Variants in CARD19 observed in about 807,000 individuals in gnomAD.
The protein encoded by CARD19 is caspase recruitment domain-containing protein 19.
A neutral mutation model predicts 24.1 loss-of-function variants in CARD19; 25 were observed. The ratio of observed to expected loss-of-function variants is 1.04; its 90% CI spans 0.76 to 1.45. The LOEUF is 1.45. CARD19 is among the 40% of genes most tolerant of loss of function. The pLI is 0.00. For missense variants in CARD19, 241 were observed against 247.4 expected (o/e 0.97, Z 0.17); for synonymous variants, 103 against 104.9 (o/e 0.98, Z 0.11).
At chr9:93,098,580 C>A (rs1459809213) in intron 1 of CARD19, among the ~76,000 whole-genome samples, 1 of 152,226 alleles carries the variant, frequency 6.6e-6, no homozygotes, top group Non-Finnish European at 1.5e-5. Context: ...AAAAACAGTT[C>A]AGGGACTTGT....
intron 5 of CARD19, 30 bp from the exon 6 acceptor site, chr9:93,112,962 T>G: frequency 2.3e-4 from 344 of 1,511,890 alleles, no homozygotes; most frequent in Non-Finnish European, 2.9e-4. Flanking sequence ...GACTGGTTCT[T>G]GAGCTTTTGC....
intron 1 of CARD19, among the ~76,000 whole-genome samples, chr9:93,103,723 A>T (rs1163983800): frequency 1.3e-5 from 2 of 152,244 alleles, no homozygotes; most frequent in African/African-American, 4.8e-5. Context: ...TGGAAGTCCA[A>T]GATCAGGGAG....
At chr9:93,111,777 C>A (rs1368954558) in intron 3 of CARD19, 102 bp from the exon 4 acceptor site, 10 of 1,530,144 alleles carry the variant, frequency 6.5e-6, no homozygotes, top group Middle Eastern at 2.3e-4. Context: ...TTCGGCCTGG[C>A]GGCCCCAGGA....
chr9:93,104,277 T>C (rs1022349123), intron 1 of CARD19, among the ~76,000 whole-genome samples: 1 of 152,218 alleles, frequency 6.6e-6, no homozygotes, highest in African/African-American at 2.4e-5. Flanking sequence ...TTTCCATTTT[T>C]CTTTTTTCAC....
chr9:93,107,932 A>G (rs1827326395), intron 2 of CARD19, 116 bp downstream of exon 2: 9 of 1,330,064 alleles, frequency 6.8e-6, no homozygotes, highest in Admixed American at 2.0e-5. Context: ...CACACTAGGT[A>G]TGTCAGGATT....
At chr9:93,103,813 G>C (rs1430279353) in intron 1 of CARD19, among the ~76,000 whole-genome samples, 1 of 152,186 alleles carries the variant, frequency 6.6e-6, no homozygotes, top group African/African-American at 2.4e-5. Flanking sequence ...GAGGGAGCAA[G>C]AGAGGAAGAA....
At chr9:93,111,834 C>CG (rs1827497625) in intron 3 of CARD19, 45 bp from the exon 4 acceptor site, 3 of 1,597,410 alleles carry the variant, frequency 1.9e-6, no homozygotes, top group Non-Finnish European at 2.6e-6. Flanking sequence ...CCTTGCCCTC[C>CG]GGCCCTGCCC....
intron 4 of CARD19, 29 bp downstream of exon 4, chr9:93,111,967 C>G (rs758365412): frequency 2.5e-6 from 4 of 1,581,194 alleles, no homozygotes; most frequent in East Asian, 4.6e-5. Context: ...CCCTCCCTCT[C>G]TCTCCCTCTC....
intron 3 of CARD19, chr9:93,110,956 C>T (rs1245314107): frequency 6.6e-7 from 1 of 1,524,750 alleles, no homozygotes; most frequent in Non-Finnish European, 8.8e-7. Flanking sequence ...CTCCCCCTTC[C>T]TCCGTCTCTC....
At chr9:93,100,191 G>A (rs1350469381) in intron 1 of CARD19, among the ~76,000 whole-genome samples, 2 of 152,264 alleles carry the variant, frequency 1.3e-5, no homozygotes, top group Non-Finnish European at 2.9e-5. Flanking sequence ...GACCAGCCAG[G>A]AGGAAGTGGC....
intron 1 of CARD19, among the ~76,000 whole-genome samples, chr9:93,103,813 G>T (rs1430279353): frequency 1.3e-5 from 2 of 152,186 alleles, no homozygotes. Context: ...GAGGGAGCAA[G>T]AGAGGAAGAA....
At position 93,111,941 on chromosome 9, in the gene CARD19, A is replaced by C. The variant is rs1287035403; in HGVS notation, c.364+3A>C. On this transcript the variant is annotated splice_donor_region_variant and intron_variant, in intron 4 of 5. Coordinates refer to ENST00000375464, the MANE Select transcript of CARD19 (RefSeq NM_032310.5). ...GAGCGGCGAGCTGAGTAACAGGGGT[A>C]ACACCTCCCTGCTGCCCCTCCCTCT... is the stretch of plus-strand genomic sequence containing the variant. The C allele has an allele frequency of 6.2e-7, 1 of 1,610,482 alleles. No individual in the cohort carries two copies. Among genetic ancestry groups the C allele is most frequent in the Middle Eastern group, 2.1e-4 (1 of 4,680 alleles).
In CARD19 at chr9:93,113,105, T is replaced by G; in HGVS notation, c.550T>G (p.Ter184GlyextTer29). 6.4e-7 allele frequency: 1 copy of G among 1,559,786 alleles called. No homozygotes were observed. Among genetic ancestry groups the G allele is most frequent in the South Asian group, 1.2e-5 (1 of 85,182 alleles). Reference protein sequence around the residue: ...AFLADDLGGL* With the variant: ...AFLADDLGGLG ...CCTGGCAGATGACCTAGGGGGGCTC[T>G]GACAGACCCTGGACCCAGGGCCTCA... is the stretch of plus-strand genomic sequence containing the variant. Residue 184 changes from the stop codon to glycine, a stop_lost, in exon 6 of 6, where the codon TGA becomes GGA. Coordinates refer to ENST00000375464, the MANE Select transcript of CARD19 (RefSeq NM_032310.5).
At chr9:93,110,941 A>C (rs1827456694) in intron 3 of CARD19, 14 of 1,530,280 alleles carry the variant, frequency 9.1e-6, no homozygotes, top group Non-Finnish European at 1.1e-5. Context: ...TCTGTCTCCC[A>C]CTTTCTCCCC....
At chr9:93,099,140 G>A (rs1030646143) in intron 1 of CARD19, among the ~76,000 whole-genome samples, 2 of 152,092 alleles carry the variant, frequency 1.3e-5, no homozygotes, top group African/African-American at 4.8e-5. Flanking sequence ...TGCCCAGGCT[G>A]GTCTTGAACT....
chr9:93,111,855 T>C (rs1385367988), intron 3 of CARD19, 24 bp from the exon 4 acceptor site: 6 of 1,610,146 alleles, frequency 3.7e-6, no homozygotes, highest in Non-Finnish European at 4.2e-6. Flanking sequence ...GTTGACTAAC[T>C]ATGCTCTGTG....
intron 5 of CARD19, among the ~76,000 whole-genome samples, chr9:93,112,735 C>T (rs997746077): frequency 6.6e-6 from 1 of 152,202 alleles, no homozygotes; most frequent in Non-Finnish European, 1.5e-5. Context: ...CTGAGTTTGT[C>T]GTGCTGGGAG....
At chr9:93,110,900 G>A in intron 3 of CARD19, 179 bp downstream of exon 3, 1 of 1,533,478 alleles carries the variant, frequency 6.5e-7, no homozygotes, top group South Asian at 1.2e-5. Context: ...AGGGGAGAGT[G>A]TGGCAGGCAC....
intron 2 of CARD19, chr9:93,110,318 A>C (rs1587650467): frequency 1.9e-6 from 1 of 535,218 alleles, no homozygotes; most frequent in Non-Finnish European, 3.2e-6. Flanking sequence ...CTTTGTGACC[A>C]CTCCCAGCCT....
Sources: gnomAD v4.1 joint callset for allele counts (sites outside exome capture counted in the v4.1 genomes callset) on GRCh38, gnomAD v4.1.1 for gene constraint, MANE v1.5 for transcripts, NCBI Gene and HGNC (gene_info 2026-07-23, HGNC 2026-07-21) for gene names.